The following MIR2052HG variants were observed in gnomAD, a reference collection of about 807,000 sequenced individuals.
MIR2052HG encodes MIR2052 host gene.
At chr8:74,653,283 A>G (rs779600331) in intron 2 of MIR2052HG, among the ~76,000 whole-genome samples, 8 of 152,094 alleles carry the variant, frequency 5.3e-5, no homozygotes, top group Non-Finnish European at 7.4e-5. Context: ...TTGCCAAGAG[A>G]TTTGCCTCAT....
At chr8:74,703,038 T>C (rs1192767156) in intron 3 of MIR2052HG, among the ~76,000 whole-genome samples, 2 of 151,964 alleles carry the variant, frequency 1.3e-5, no homozygotes, top group Non-Finnish European at 2.9e-5. Context: ...TGAAAATGAG[T>C]TCCCTAATGT....
intron 4 of MIR2052HG, among the ~76,000 whole-genome samples, chr8:74,744,457 C>T (rs1463672057): frequency 2.0e-5 from 3 of 151,882 alleles, no homozygotes; most frequent in African/African-American, 7.3e-5. Context: ...GTATATCTCC[C>T]AATGCTATCC....
At chr8:74,754,218 T>C (rs896126835) in intron 5 of MIR2052HG, among the ~76,000 whole-genome samples, 1 of 152,232 alleles carries the variant, frequency 6.6e-6, no homozygotes, top group African/African-American at 2.4e-5. Context: ...ATAGGAAGCA[T>C]GATAAGTATA....
intron 2 of MIR2052HG, chr8:74,612,957 A>T: frequency 2.2e-6 from 1 of 456,194 alleles, no homozygotes; most frequent in South Asian, 1.5e-5. Context: ...AAGATCTTTG[A>T]GTGCAGCTGC....
chr8:74,630,142 A>G (rs955771468), intron 2 of MIR2052HG, among the ~76,000 whole-genome samples: 1 of 152,202 alleles, frequency 6.6e-6, no homozygotes, highest in African/African-American at 2.4e-5. Flanking sequence ...TGCTGGTTGT[A>G]TCTGATAATA....
intron 4 of MIR2052HG, among the ~76,000 whole-genome samples, chr8:74,741,677 C>T (rs999043395): frequency 1.2e-4 from 18 of 152,100 alleles, no homozygotes; most frequent in Admixed American, 2.0e-4. Context: ...ACTGAACTCA[C>T]GGCCAACAGC....
intron 2 of MIR2052HG, among the ~76,000 whole-genome samples, chr8:74,701,048 G>C (rs1809351971): frequency 6.6e-6 from 1 of 152,072 alleles, no homozygotes. Context: ...CTTTTCTCCT[G>C]TACCTTTACT....
At chr8:74,604,383 G>A (rs1808076145) in intron 1 of MIR2052HG, 3 of 439,652 alleles carry the variant, frequency 6.8e-6, no homozygotes, top group Admixed American at 3.2e-5. Flanking sequence ...GCGGGAGGCC[G>A]GGGGCGGAAC....
At chr8:74,604,675 C>A (rs1229483852) in intron 1 of MIR2052HG, among the ~76,000 whole-genome samples, 2 of 137,866 alleles carry the variant, frequency 1.5e-5, no homozygotes, top group Non-Finnish European at 3.1e-5. Flanking sequence ...CTCACTGCAA[C>A]TTCCGTCTCC....
intron 4 of MIR2052HG, among the ~76,000 whole-genome samples, chr8:74,748,409 T>A (rs1809909369): frequency 6.6e-6 from 1 of 152,174 alleles, no homozygotes. Flanking sequence ...ATTTTCAATC[T>A]CTCTTGTTGA....
rs1808944494 is a variant in MIR2052HG, at chr8:74,667,654, C to G, written n.217-34725C>G. Among the ~76,000 whole-genome samples the G allele has an allele frequency of 2.0e-5, 3 of 152,090 alleles. No individual in the cohort carries two copies. The South Asian group carries it at 6.2e-4, about 32-fold the overall frequency. ...TGACATTGGTTTTTCTCAAGTACTC[C>G]TTTTAAAACTTGTGGAATAATACTG... On this transcript the variant is annotated intron_variant and non_coding_transcript_variant, in intron 2 of 6. Coordinates refer to ENST00000523442, the Ensembl canonical transcript of MIR2052HG.
At chr8:74,620,657 G>C (rs989978879) in intron 2 of MIR2052HG, among the ~76,000 whole-genome samples, 4 of 152,350 alleles carry the variant, frequency 2.6e-5, no homozygotes, top group Admixed American at 1.3e-4. Flanking sequence ...AAGCAGCTGG[G>C]ACACAGGGCA....
intron 2 of MIR2052HG, among the ~76,000 whole-genome samples, chr8:74,640,998 C>G (rs1808633965): frequency 1.3e-5 from 2 of 152,122 alleles, no homozygotes; most frequent in South Asian, 4.1e-4. Context: ...TTGCTTAGGT[C>G]ACAGACATTT....
chr8:74,696,610 A>G (rs1809298981), intron 2 of MIR2052HG, among the ~76,000 whole-genome samples: 1 of 152,126 alleles, frequency 6.6e-6, no homozygotes, highest in Non-Finnish European at 1.5e-5. Context: ...GATCCAAATA[A>G]GCTGCATTAG....
At chr8:74,638,629 C>T (rs1401250624) in intron 2 of MIR2052HG, among the ~76,000 whole-genome samples, 1 of 152,006 alleles carries the variant, frequency 6.6e-6, no homozygotes, top group Admixed American at 6.6e-5. Flanking sequence ...AGTGATGACA[C>T]CAATATTTCA....
At chr8:74,658,140 A>G (rs982710504) in intron 2 of MIR2052HG, among the ~76,000 whole-genome samples, 12 of 151,930 alleles carry the variant, frequency 7.9e-5, no homozygotes, top group African/African-American at 2.9e-4. Flanking sequence ...ACTCCCTTTC[A>G]TCTTTGTCTT....
intron 4 of MIR2052HG, among the ~76,000 whole-genome samples, chr8:74,747,549 A>G (rs1232268277): frequency 6.6e-6 from 1 of 152,192 alleles, no homozygotes; most frequent in Non-Finnish European, 1.5e-5. Context: ...CTGCAAGCAC[A>G]TTTGTGAATC....
intron 4 of MIR2052HG, chr8:74,703,817 G>T (rs1413715744): frequency 2.0e-4 from 60 of 295,132 alleles, no homozygotes; most frequent in African/African-American, 2.3e-5. Context: ...CTTATAAATT[G>T]TGGATAGCTG....
chr8:74,692,283 G>A (rs1164381197), intron 2 of MIR2052HG, among the ~76,000 whole-genome samples: 1 of 152,106 alleles, frequency 6.6e-6, no homozygotes, highest in Non-Finnish European at 1.5e-5. Flanking sequence ...TAGAGATGAG[G>A]GTTTCACTAT....
Sources: gnomAD v4.1 joint callset for allele counts (sites outside exome capture counted in the v4.1 genomes callset) on GRCh38, gnomAD v4.1.1 for gene constraint, MANE v1.5 for transcripts, NCBI Gene and HGNC (gene_info 2026-07-23, HGNC 2026-07-21) for gene names.